Variants in RASA3 observed in about 807,000 individuals in gnomAD.
The protein encoded by RASA3 is ras GTPase-activating protein 3.
In RASA3, 73 loss-of-function variants were observed where a neutral mutation model predicts 110.0. The ratio of observed to expected loss-of-function variants is 0.66; its 90% CI spans 0.55 to 0.81. RASA3 has a LOEUF of 0.81. Ranked by LOEUF, RASA3 falls within the 30% of genes least tolerant of loss-of-function variation. RASA3 has a pLI of 0.00. For synonymous variants in RASA3, 500 were observed against 451.4 expected, an observed-to-expected ratio of 1.11 and a Z score of -1.37; for missense variants, 976 against 1,113.2, an observed-to-expected ratio of 0.88 and a Z score of 1.75.
chr13:114,035,157 C>T (rs144982741), intron 4 of RASA3, among the ~76,000 whole-genome samples: 27 of 152,300 alleles, frequency 1.8e-4, no homozygotes, highest in Admixed American at 4.6e-4. Context: ...GAAGTCAGAT[C>T]GGAAACCAAT....
At position 114,056,478 on chromosome 13, in the gene RASA3, T is replaced by A. The variant is rs4989890; in HGVS notation, c.174-4323A>T. The A allele has an allele frequency of 0.066, 64,651 of 985,126 alleles. 2,821 individuals carry two copies. Among genetic ancestry groups the A allele is most frequent in the African/African-American group, 0.18 (10,553 of 57,246 alleles). 61.0% of individuals were successfully genotyped at this position (985,126 alleles called of 1,614,324 possible). On this transcript the variant is annotated intron_variant, in intron 2 of 23. Transcript: ENST00000334062. The surrounding 1 kb of genome is among the most constrained non-coding windows in gnomAD (Gnocchi z 5.7). ...AACCCCAGGGCTTGGGCAGCAGGGC[T>A]GAGAGTGCGGCGTCCCTGGGCGCTG... is the stretch of plus-strand genomic sequence containing the variant.
At chr13:114,106,594 G>A (rs1223832791) in intron 1 of RASA3, among the ~76,000 whole-genome samples, 1 of 152,230 alleles carries the variant, frequency 6.6e-6, no homozygotes, top group Non-Finnish European at 1.5e-5. Context: ...TAGCGTAGGT[G>A]TAGAAATTCA....
intron 2 of RASA3, among the ~76,000 whole-genome samples, chr13:114,055,009 C>T (rs180939359): frequency 4.1e-5 from 6 of 147,812 alleles, no homozygotes; most frequent in East Asian, 2.0e-4. Flanking sequence ...CCCATGGGTG[C>T]GTGTGCCCAC....
intron 9 of RASA3, among the ~76,000 whole-genome samples, chr13:114,019,426 C>T (rs955939229): frequency 2.0e-5 from 3 of 152,224 alleles, no homozygotes; most frequent in Non-Finnish European, 2.9e-5. Context: ...ACGCAGTCAC[C>T]CAGGAGCCCT....
chr13:114,010,818 T>C (rs759834601), intron 16 of RASA3, among the ~76,000 whole-genome samples: 830 of 17,750 alleles, frequency 0.047, 61 homozygotes, highest in Middle Eastern at 0.13. Flanking sequence ...AGTAGGGGGC[T>C]GCGTGACGAG....
At chr13:114,051,922 G>T in intron 3 of RASA3, 130 bp downstream of exon 3, 1 of 648,932 alleles carries the variant, frequency 1.5e-6, no homozygotes, top group Non-Finnish European at 2.7e-6. Context: ...GGAACACCCA[G>T]GGCTGCTGTG....
chr13:114,076,183 C>T (rs1057032179), intron 1 of RASA3, among the ~76,000 whole-genome samples: 3 of 152,192 alleles, frequency 2.0e-5, no homozygotes, highest in Non-Finnish European at 4.4e-5. Context: ...CAGCAGCTCT[C>T]GAAGGCTCCT....
intron 18 of RASA3, among the ~76,000 whole-genome samples, chr13:114,001,250 G>A (rs77473435): frequency 0.031 from 4,672 of 152,316 alleles, 124 homozygotes; most frequent in Non-Finnish European, 0.046. Flanking sequence ...CTCCCACGGC[G>A]GACCTGCGGC....
At chr13:114,030,498 A>AG (rs1283757787) in intron 4 of RASA3, among the ~76,000 whole-genome samples, 1 of 101,130 alleles carries the variant, frequency 9.9e-6, no homozygotes, top group African/African-American at 3.5e-5. Flanking sequence ...AGACTCACAC[A>AG]GAGGGCAAGA....
At chr13:114,064,766 G>A (rs773020926) in intron 2 of RASA3, among the ~76,000 whole-genome samples, 6 of 152,202 alleles carry the variant, frequency 3.9e-5, no homozygotes, top group Admixed American at 6.5e-5. Flanking sequence ...GGACAGGCCG[G>A]CTTTGTCTCC....
chr13:114,041,245 AC>A, intron 3 of RASA3, 151 bp from the exon 4 acceptor site: 1 of 691,582 alleles, frequency 1.4e-6, no homozygotes, highest in Non-Finnish European at 2.5e-6. Flanking sequence ...CATGCCTGGA[AC>A]CCCCACGCTT....
At chr13:114,016,623 G>A (rs1414595545) in intron 12 of RASA3, among the ~76,000 whole-genome samples, 4 of 152,226 alleles carry the variant, frequency 2.6e-5, no homozygotes, top group Admixed American at 6.5e-5. Context: ...GTGCGCCCGC[G>A]ATCAGACGAA....
chr13:114,120,916 C>T (rs887061610), intron 1 of RASA3, among the ~76,000 whole-genome samples: 34 of 152,226 alleles, frequency 2.2e-4, no homozygotes, highest in African/African-American at 7.0e-4. Context: ...CCCAGAGTAA[C>T]ATCTGTCTCA....
At chr13:114,118,800 G>A (rs2080328642) in intron 1 of RASA3, among the ~76,000 whole-genome samples, 1 of 152,228 alleles carries the variant, frequency 6.6e-6, no homozygotes, top group Non-Finnish European at 1.5e-5. Flanking sequence ...AAAGTCAGCA[G>A]CTGTATCCTG....
chr13:114,092,961 T>C (rs1297171396), intron 1 of RASA3, among the ~76,000 whole-genome samples: 1 of 152,216 alleles, frequency 6.6e-6, no homozygotes, highest in Admixed American at 6.5e-5. Flanking sequence ...TTATTAAAAC[T>C]GATACCAACT....
chr13:113,991,766 A>C (rs930996923), intron 22 of RASA3, among the ~76,000 whole-genome samples: 1 of 152,262 alleles, frequency 6.6e-6, no homozygotes, highest in African/African-American at 2.4e-5. Context: ...ATTAGATGGC[A>C]TGTGTGTACC....
At chr13:114,024,396 C>G (rs913307386) in intron 7 of RASA3, 41 bp from the exon 8 acceptor site, 14 of 1,592,284 alleles carry the variant, frequency 8.8e-6, no homozygotes, top group Non-Finnish European at 1.2e-5. Flanking sequence ...ACCGCGGTGC[C>G]ACCAGGCGGG....
In RASA3 at chr13:113,979,386, G is replaced by A. The variant is rs1184503486; in HGVS notation, c.2466C>T (p.Tyr822=). Residue 822 remains tyrosine, a synonymous_variant, in exon 24 of 24, where the codon TAC becomes TAT. Coordinates refer to ENST00000334062, the MANE Select transcript of RASA3 (RefSeq NM_007368.4). The part of the protein sequence containing the change: ...HPIGDKSFQN[Y]IRQQSETSTH... The stretch of plus-strand genomic sequence containing the variant: ...TGGAGGTCTCGGACTGCTGCCGGAT[G>A]TAGTTCTGGAAGCTCTTGTCTCCGA... The A allele has an allele frequency of 1.9e-6, 3 of 1,606,380 alleles. No homozygotes were observed. Among genetic ancestry groups the A allele is most frequent in the Admixed American group, 3.3e-5 (2 of 59,886 alleles).
intron 18 of RASA3, among the ~76,000 whole-genome samples, chr13:114,004,430 T>A (rs551068313): frequency 3.3e-5 from 5 of 152,070 alleles, no homozygotes; most frequent in Admixed American, 6.5e-5. Context: ...ATAGACGTTT[T>A]TCAGAAGACA....
Sources: allele counts gnomAD v4.1 joint callset (sites outside exome capture counted in the v4.1 genomes callset), GRCh38; gene constraint gnomAD v4.1.1; non-coding constraint Gnocchi (gnomAD v3.1); transcripts MANE v1.5; gene names NCBI Gene and HGNC (gene_info 2026-07-23, HGNC 2026-07-21).